GALNT13: variants seen among roughly 807,000 people sequenced by gnomAD.
GALNT13 encodes UDP-GalNAc:polypeptide N-acetylgalactosaminyltransferase 13.
In GALNT13, 28 loss-of-function variants were observed where a neutral mutation model predicts 64.2. That is an observed-to-expected ratio of 0.44 (90% confidence interval 0.32 to 0.60). The LOEUF (loss-of-function observed/expected upper bound fraction) is 0.60. GALNT13 is among the 20% of genes least tolerant of loss of function. The pLI is 0.05. For missense variants in GALNT13, 577 were observed against 669.8 expected (o/e 0.86, Z 1.53); for synonymous variants, 214 against 224.6 (o/e 0.95, Z 0.42).
At chr2:153,603,903 A>T in the GALNT13 span, among the ~76,000 whole-genome samples, 1 of 151,986 alleles carries the variant, frequency 6.6e-6, no homozygotes, top group Non-Finnish European at 1.5e-5. Context: ...ATTCAAAAGA[A>T]GTTCTTATGT....
the GALNT13 span, among the ~76,000 whole-genome samples, chr2:153,605,725 A>G: frequency 2.6e-5 from 4 of 152,082 alleles, no homozygotes; most frequent in Non-Finnish European, 5.9e-5. Context: ...TTCTTTCCAC[A>G]CATGTAAGCA....
chr2:153,929,859 T>C (rs1045908648), intron 2 of GALNT13, among the ~76,000 whole-genome samples: 5 of 152,216 alleles, frequency 3.3e-5, no homozygotes, highest in Admixed American at 3.3e-4. Context: ...TTTGGGTATA[T>C]ACCTACTGAT....
chr2:153,702,101 C>G, the GALNT13 span, among the ~76,000 whole-genome samples: 13 of 152,082 alleles, frequency 8.5e-5, no homozygotes, highest in Non-Finnish European at 1.3e-4. Context: ...CACTGATAGA[C>G]TGAATAAAGA....
At chr2:153,507,208 T>C in the GALNT13 span, among the ~76,000 whole-genome samples, 1 of 152,246 alleles carries the variant, frequency 6.6e-6, no homozygotes, top group South Asian at 2.1e-4. Context: ...TTGTGATTGT[T>C]TTTTATTCGT....
the GALNT13 span, among the ~76,000 whole-genome samples, chr2:153,562,958 C>T: frequency 6.6e-6 from 1 of 152,106 alleles, no homozygotes; most frequent in Non-Finnish European, 1.5e-5. Context: ...TATGTAGGTT[C>T]AAGCCCTTTT....
At chr2:153,986,450 A>T (rs892019757) in intron 3 of GALNT13, among the ~76,000 whole-genome samples, 1 of 152,032 alleles carries the variant, frequency 6.6e-6, no homozygotes, top group South Asian at 2.1e-4. Context: ...CACATCCGCA[A>T]TATTGATACT....
At chr2:153,970,689 A>G (rs1180596356) in intron 3 of GALNT13, among the ~76,000 whole-genome samples, 1 of 152,082 alleles carries the variant, frequency 6.6e-6, no homozygotes, top group Non-Finnish European at 1.5e-5. Context: ...CCAAAACTGA[A>G]TTTCTCATCT....
the GALNT13 span, among the ~76,000 whole-genome samples, chr2:153,774,327 C>T: frequency 6.6e-6 from 1 of 151,960 alleles, no homozygotes; most frequent in Non-Finnish European, 1.5e-5. Context: ...TCTCCCTTTT[C>T]TCTTTTTTCC....
At chr2:153,529,001 G>T in the GALNT13 span, among the ~76,000 whole-genome samples, 10 of 151,686 alleles carry the variant, frequency 6.6e-5, no homozygotes, top group Middle Eastern at 6.8e-3. Context: ...AACCAGAAAT[G>T]CATCCTCAAC....
intron 2 of GALNT13, among the ~76,000 whole-genome samples, chr2:153,920,186 A>G (rs746125971): frequency 2.0e-5 from 3 of 151,878 alleles, no homozygotes; most frequent in African/African-American, 7.2e-5. Flanking sequence ...GGTGTCATCA[A>G]TTACGATTAT....
the GALNT13 span, among the ~76,000 whole-genome samples, chr2:153,751,843 A>T: frequency 1.3e-5 from 2 of 151,314 alleles, no homozygotes; most frequent in South Asian, 4.2e-4. Flanking sequence ...GTTATTATTT[A>T]TATGTAAGAA....
chr2:153,706,288 C>A, the GALNT13 span, among the ~76,000 whole-genome samples: 7 of 152,234 alleles, frequency 4.6e-5, no homozygotes, highest in East Asian at 1.4e-3. Context: ...AGCTACTGCA[C>A]CCAGCCAAGG....
intron 3 of GALNT13, among the ~76,000 whole-genome samples, chr2:154,017,636 T>C (rs7572016): frequency 0.39 from 59,444 of 152,058 alleles, 14,664 homozygotes; most frequent in Non-Finnish European, 0.55. Context: ...ACAAATTAAT[T>C]TGCAACTTAT....
chr2:153,817,182 G>T, the GALNT13 span, among the ~76,000 whole-genome samples: 4 of 152,198 alleles, frequency 2.6e-5, no homozygotes, highest in Non-Finnish European at 5.9e-5. Flanking sequence ...GTAATTACAT[G>T]TGAGTTTTCA....
chr2:154,184,138 C>T (rs144043730), intron 4 of GALNT13, among the ~76,000 whole-genome samples: 1,584 of 151,700 alleles, frequency 0.01, 12 homozygotes, highest in Admixed American at 0.013. Context: ...ATATATTATA[C>T]GAATTTACCC....
At chr2:154,405,208 G>A (rs1699473551) in intron 10 of GALNT13, among the ~76,000 whole-genome samples, 1 of 152,034 alleles carries the variant, frequency 6.6e-6, no homozygotes, top group Non-Finnish European at 1.5e-5. Context: ...CAAGTATAAT[G>A]CAGGAAAGAA....
chr2:153,274,515 G>T, the GALNT13 span, among the ~76,000 whole-genome samples: 1 of 152,180 alleles, frequency 6.6e-6, no homozygotes, highest in African/African-American at 2.4e-5. Flanking sequence ...AGAGGAATAT[G>T]GCTGAAAAGA....
chr2:153,714,659 C>T, the GALNT13 span, among the ~76,000 whole-genome samples: 3 of 152,088 alleles, frequency 2.0e-5, no homozygotes, highest in Non-Finnish European at 2.9e-5. Flanking sequence ...ACACAAAGTA[C>T]TCAATGTACC....
At chr2:153,224,805 A>C in the GALNT13 span, among the ~76,000 whole-genome samples, 1 of 152,364 alleles carries the variant, frequency 6.6e-6, no homozygotes, top group African/African-American at 2.4e-5. Flanking sequence ...AAAAGGAGAA[A>C]TAGCACGAGT....
Sources: gnomAD v4.1 joint callset for allele counts (sites outside exome capture counted in the v4.1 genomes callset) on GRCh38, gnomAD v4.1.1 for gene constraint, MANE v1.5 for transcripts, NCBI Gene and HGNC (gene_info 2026-07-23, HGNC 2026-07-21) for gene names.